The following ADGRL2 variants were observed in gnomAD, a reference collection of about 807,000 sequenced individuals.
ADGRL2 encodes adhesion G protein-coupled receptor L2, also known as calcium-independent alpha-latrotoxin receptor 2.
ADGRL2 carries 44 observed loss-of-function variants against 157.4 expected under a neutral mutation model. The observed-to-expected ratio is 0.28, with a 90% CI of 0.22 to 0.36. ADGRL2 has a LOEUF of 0.36. Ranked by LOEUF, ADGRL2 falls within the 10% of genes least tolerant of loss-of-function variation. The pLI is 1.00. For synonymous variants in ADGRL2, 585 were observed against 624.7 expected, an observed-to-expected ratio of 0.94 and a Z score of 0.95; for missense variants, 1,510 against 1,768.9, an observed-to-expected ratio of 0.85 and a Z score of 2.63.
intron 6 of ADGRL2, among the ~76,000 whole-genome samples, chr1:81,947,481 A>T (rs1001408703): frequency 1.3e-5 from 2 of 152,208 alleles, no homozygotes; most frequent in African/African-American, 4.8e-5. Context: ...CAAATTACTT[A>T]TCTTCATCGT....
At chr1:81,681,205 A>G (rs564376392) in intron 3 of ADGRL2, among the ~76,000 whole-genome samples, 1 of 152,318 alleles carries the variant, frequency 6.6e-6, no homozygotes, top group East Asian at 1.9e-4. Context: ...TTTGGTTCCT[A>G]TTTGAGTCTT....
chr1:81,896,874 A>T (rs2094399382), intron 2 of ADGRL2, among the ~76,000 whole-genome samples: 1 of 152,182 alleles, frequency 6.6e-6, no homozygotes, highest in Admixed American at 6.5e-5. Context: ...CATTTATTTA[A>T]CATCTTTATT....
At chr1:81,351,050 T>C (rs1215991303) in intron 1 of ADGRL2, among the ~76,000 whole-genome samples, 1 of 152,180 alleles carries the variant, frequency 6.6e-6, no homozygotes, top group African/African-American at 2.4e-5. Flanking sequence ...ATTTAAAACT[T>C]GATCAAAATT....
At chr1:81,730,955 A>G (rs1480765500) in intron 1 of ADGRL2, among the ~76,000 whole-genome samples, 1 of 152,168 alleles carries the variant, frequency 6.6e-6, no homozygotes, top group African/African-American at 2.4e-5. Context: ...AGGTATCACA[A>G]TTACCCTCCC....
intron 1 of ADGRL2, among the ~76,000 whole-genome samples, chr1:81,430,354 G>A (rs1467370833): frequency 2.0e-5 from 3 of 152,174 alleles, no homozygotes; most frequent in Non-Finnish European, 4.4e-5. Context: ...GTAAAGAGGG[G>A]ATTTCAACAG....
chr1:81,451,122 C>T (rs2077695805), intron 2 of ADGRL2, among the ~76,000 whole-genome samples: 1 of 152,160 alleles, frequency 6.6e-6, no homozygotes, highest in African/African-American at 2.4e-5. Context: ...CCCTCACTGT[C>T]TGGAAGATCT....
At chr1:81,627,417 A>C (rs10493699) in intron 3 of ADGRL2, among the ~76,000 whole-genome samples, 19,183 of 152,106 alleles carry the variant, frequency 0.13, 1,660 homozygotes, top group Non-Finnish European at 0.18. Context: ...TGAGCTGGAC[A>C]CTGAGGTAGG....
chr1:81,744,537 G>C (rs191819290), intron 1 of ADGRL2, among the ~76,000 whole-genome samples: 134 of 152,224 alleles, frequency 8.8e-4, no homozygotes, highest in Non-Finnish European at 6.6e-4. Context: ...GTTGAAGGTG[G>C]AATTTTTATA....
intron 2 of ADGRL2, among the ~76,000 whole-genome samples, chr1:81,873,465 A>T (rs909718684): frequency 6.6e-6 from 1 of 152,086 alleles, no homozygotes; most frequent in Non-Finnish European, 1.5e-5. Context: ...ATTGAAATGT[A>T]AAAAAACCAT....
chr1:81,483,282 C>A (rs925450763), intron 2 of ADGRL2, among the ~76,000 whole-genome samples: 2 of 152,084 alleles, frequency 1.3e-5, no homozygotes, highest in Non-Finnish European at 2.9e-5. Flanking sequence ...CCATTTAAAA[C>A]AAAAACCACG....
intron 2 of ADGRL2, among the ~76,000 whole-genome samples, chr1:81,904,512 T>A (rs1301371485): frequency 6.6e-6 from 1 of 152,178 alleles, no homozygotes; most frequent in Non-Finnish European, 1.5e-5. Flanking sequence ...GGCAGCCACA[T>A]CTGGTGAGGG....
intron 1 of ADGRL2, among the ~76,000 whole-genome samples, chr1:81,418,132 A>G (rs2077063548): frequency 6.6e-6 from 1 of 152,230 alleles, no homozygotes; most frequent in Non-Finnish European, 1.5e-5. Context: ...GTAACTACCA[A>G]TGTATGCTAG....
intron 3 of ADGRL2, among the ~76,000 whole-genome samples, chr1:81,630,964 A>G (rs1299181856): frequency 6.6e-6 from 1 of 152,228 alleles, no homozygotes; most frequent in Non-Finnish European, 1.5e-5. Flanking sequence ...TGATTAAAAT[A>G]CGAAGCTACA....
At chr1:81,667,807 A>G (rs1030960637) in intron 3 of ADGRL2, among the ~76,000 whole-genome samples, 2 of 152,162 alleles carry the variant, frequency 1.3e-5, no homozygotes, top group African/African-American at 2.4e-5. Flanking sequence ...ATGTAAAATT[A>G]TAAGTTAATG....
chr1:81,643,049 C>T (rs535735854), intron 3 of ADGRL2, among the ~76,000 whole-genome samples: 16 of 152,248 alleles, frequency 1.1e-4, no homozygotes, highest in Admixed American at 5.9e-4. Context: ...GTCATCACTG[C>T]TTTTCAATAT....
intron 3 of ADGRL2, among the ~76,000 whole-genome samples, chr1:81,664,672 T>C (rs1479172801): frequency 6.6e-6 from 1 of 152,230 alleles, no homozygotes; most frequent in Non-Finnish European, 1.5e-5. Flanking sequence ...AAAAGCTATC[T>C]GAGGGCAAAG....
intron 2 of ADGRL2, among the ~76,000 whole-genome samples, chr1:81,492,286 C>A (rs1331933989): frequency 6.6e-6 from 1 of 152,122 alleles, no homozygotes; most frequent in Admixed American, 6.5e-5. Flanking sequence ...AAGGGTAAAT[C>A]TTGAACACAC....
At chr1:81,463,660 A>G (rs1466184404) in intron 2 of ADGRL2, among the ~76,000 whole-genome samples, 2 of 152,188 alleles carry the variant, frequency 1.3e-5, no homozygotes, top group Non-Finnish European at 2.9e-5. Context: ...TTTGTGAGAT[A>G]GTTACCTAAA....
chr1:81,671,272 G>A (rs2082870070), intron 3 of ADGRL2, among the ~76,000 whole-genome samples: 1 of 152,184 alleles, frequency 6.6e-6, no homozygotes, highest in African/African-American at 2.4e-5. Context: ...CATTTGGACA[G>A]GAAATTTTTG....
Sources: allele counts gnomAD v4.1 joint callset (sites outside exome capture counted in the v4.1 genomes callset), GRCh38; gene constraint gnomAD v4.1.1; transcripts MANE v1.5; gene names NCBI Gene and HGNC (gene_info 2026-07-23, HGNC 2026-07-21).